Variants in ITPR3 observed in about 807,000 individuals in gnomAD.
The protein encoded by ITPR3 is inositol 1,4,5-trisphosphate receptor type 3.
A neutral mutation model predicts 293.2 loss-of-function variants in ITPR3; 173 were observed. The ratio of observed to expected loss-of-function variants is 0.59; its 90% CI spans 0.52 to 0.67. The LOEUF (loss-of-function observed/expected upper bound fraction) is 0.67, where lower values mean the gene tolerates loss of function less well. ITPR3 is among the 30% of genes least tolerant of loss of function. The probability of loss-of-function intolerance (pLI) is 0.00; values close to 1 mark genes in which losing one functional copy is unlikely to be tolerated. For missense variants in ITPR3, 2,796 were observed against 3,592.1 expected (o/e 0.78, Z 5.66); for synonymous variants, 1,295 against 1,444.4 (o/e 0.90, Z 2.35).
In ITPR3 at chr6:33,673,710, C is replaced by T. The variant is rs146528103; in HGVS notation, c.3048C>T (p.Phe1016=). 6.2e-4 allele frequency: 1,004 copies of T among 1,614,130 alleles called. 5 individuals carry two copies. In the Middle Eastern group the frequency reaches 6.8e-3, roughly 11 times the overall value. Residue 1016 remains phenylalanine, a synonymous_variant, in exon 23 of 58, where the codon TTC becomes TTT. Transcript: ENST00000605930. ...DSGADGTAPA[F]DSTTANMNLD... is the part of the protein sequence containing the mutation. ...GGGCTGATGGCACAGCCCCTGCCTTCGACTCTACCAGTAAGCCCCTGCCCT... is the reference window on the plus strand; with the variant it reads ...GGGCTGATGGCACAGCCCCTGCCTTTGACTCTACCAGTAAGCCCCTGCCCT...
rs1304867848 is a variant in ITPR3, at chr6:33,692,475, A to C, written c.7459-253A>C. 1.3e-5 allele frequency among the ~76,000 whole-genome samples: 2 copies of C among 151,480 alleles called. No homozygotes were observed. Among genetic ancestry groups the C allele is most frequent in the Non-Finnish European group, 2.9e-5 (2 of 67,928 alleles). Reference sequence around the variant, plus strand: ...TACCTCCCCGCCAGACTCCTTCTGCAGGCCTCCACCCCGGCGTGTCCTGAG... The same window carrying C: ...TACCTCCCCGCCAGACTCCTTCTGCCGGCCTCCACCCCGGCGTGTCCTGAG... On this transcript the variant is annotated intron_variant, in intron 54 of 57. Transcript: ENST00000605930. The surrounding 1 kb of genome is among the most constrained non-coding windows in gnomAD (Gnocchi z 4.2).
At position 33,682,481 on chromosome 6, in the gene ITPR3, TG is replaced by T. The variant is rs1765103546; in HGVS notation, c.4477-38del. 2 of 1,476,140 alleles carry T rather than the reference TG, an allele frequency of 1.4e-6. No homozygotes were observed. The highest frequency in any genetic ancestry group is 1.5e-5 in the African/African-American group (1 of 68,590). 91.4% of individuals were successfully genotyped at this position (1,476,140 alleles called of 1,614,324 possible). A position where few individuals can be genotyped will look rare whatever the true frequency, so the allele number is the denominator to read the frequency against. ...TTCCTGGACCTGGGGTTGCCCAGGG[TG>T]GGGGCCTGGGCTGCAGCAGCGGGCT... On this transcript the variant is annotated intron_variant, in intron 33 of 57. Transcript: ENST00000605930. This position sits in a 1 kb window ranked among gnomAD's most constrained non-coding sequence, Gnocchi z 5.4.
chr6:33,639,253 C>T (rs2151288810), intron 1 of ITPR3, among the ~76,000 whole-genome samples: 1 of 152,054 alleles, frequency 6.6e-6, no homozygotes, highest in East Asian at 1.9e-4. Flanking sequence ...GTGGCAGGTG[C>T]CTGTAATCCA....
Position 33,687,630 on chromosome 6 carries a change from A to G in ITPR3, c.6264+66A>G, listed in dbSNP as rs1765270976. On this transcript the variant is annotated intron_variant, in intron 46 of 57. Transcript: ENST00000605930. The surrounding 1 kb of genome is among the most constrained non-coding windows in gnomAD (Gnocchi z 5.3). ...GAACCCAGGGAGGACACTTGACCCA[A>G]GGGCGTGGCCTGGAACAGAGTGAGG... 3 of 1,316,162 alleles carry G rather than the reference A, an allele frequency of 2.3e-6. No individual in the cohort carries two copies. The highest frequency in any genetic ancestry group is 2.9e-5 in the African/African-American group (2 of 69,362). The allele number at this position is 1,316,162 out of a possible 1,614,324, so 81.5% of individuals were successfully genotyped here.
intron 3 of ITPR3, among the ~76,000 whole-genome samples, chr6:33,657,212 T>C (rs1230199509): frequency 2.0e-5 from 3 of 152,174 alleles, no homozygotes; most frequent in African/African-American, 7.2e-5. Context: ...AGAGTGCCAG[T>C]CTGATGGAGG....
chr6:33,631,677 T>C (rs1002561980), intron 1 of ITPR3, among the ~76,000 whole-genome samples: 1 of 152,110 alleles, frequency 6.6e-6, no homozygotes, highest in Admixed American at 6.5e-5. Flanking sequence ...CTGGATAATA[T>C]CCAGCCTTCC....
chr6:33,623,893 C>T (rs1323743595), intron 1 of ITPR3, among the ~76,000 whole-genome samples: 2 of 152,140 alleles, frequency 1.3e-5, no homozygotes, highest in African/African-American at 4.8e-5. Context: ...GTCCACCCTC[C>T]TAGCATGGCT....
chr6:33,634,362 A>C (rs1763767155), intron 1 of ITPR3, among the ~76,000 whole-genome samples: 1 of 152,092 alleles, frequency 6.6e-6, no homozygotes, highest in Non-Finnish European at 1.5e-5. Flanking sequence ...TTCCCAGATG[A>C]TGCCTGTTTT....
Position 33,689,262 on chromosome 6 carries a change from C to T in ITPR3, c.6719C>T (p.Ser2240Leu). The T allele has an allele frequency of 6.2e-7, 1 of 1,611,152 alleles. No individual in the cohort carries two copies. The highest frequency in any genetic ancestry group is 8.5e-7 in the Non-Finnish European group (1 of 1,179,992). Reference protein sequence around the residue: ...STGVLDSPLISLLFWILICFS... With the variant: ...STGVLDSPLILLLFWILICFS... ...GGCGTGCTGGACTCCCCTCTCATCT[C>T]ATTGCTCTTCTGGATCCTCATCTGC... is the stretch of plus-strand genomic sequence containing the variant. Residue 2240 changes from serine (S) to leucine (L), a missense_variant, in exon 50 of 58, where the codon TCA becomes TTA. This residue lies in a region of ITPR3 where 568 missense variants were observed against 796.1 expected (regional missense o/e 0.71). Transcript: ENST00000605930.
intron 41 of ITPR3, 90 bp from the exon 42 acceptor site, chr6:33,685,963 A>T: frequency 2.6e-6 from 4 of 1,526,466 alleles, no homozygotes; most frequent in Non-Finnish European, 3.6e-6. Context: ...TGGTTCCCCT[A>T]CCCCTGCAGC....
At position 33,695,732 on chromosome 6, in the gene ITPR3, C is replaced by G. The variant is rs773669944; in HGVS notation, c.7968C>G (p.Arg2656=). The change falls in exon 58 of 58, where the codon CGC becomes CGG. Residue 2656 remains arginine, a synonymous_variant. Coordinates refer to ENST00000605930, the MANE Select transcript of ITPR3 (RefSeq NM_002224.4). ...CCTAGATGACGGAGCAGCGGAAACG[C>G]AGGCAACGCCTAGGCTTTGTGGATG... ...LKEQMTEQRK[R]RQRLGFVDVQ... The G allele has an allele frequency of 2.5e-6, 4 of 1,614,176 alleles. No individual in the cohort carries two copies. Among genetic ancestry groups the G allele is most frequent in the Non-Finnish European group, 3.4e-6 (4 of 1,180,044 alleles).
chr6:33,668,037 T>C, intron 16 of ITPR3, 73 bp downstream of exon 16: 1 of 1,521,448 alleles, frequency 6.6e-7, no homozygotes, highest in South Asian at 1.2e-5. Context: ...ACTCTGCTGG[T>C]TGTGTGAACT....
At chr6:33,622,095 C>G (rs780488439) in intron 1 of ITPR3, among the ~76,000 whole-genome samples, 105 of 152,120 alleles carry the variant, frequency 6.9e-4, no homozygotes, top group Non-Finnish European at 1.4e-3. Context: ...AGTGGGCAGG[C>G]TCAGCTTGGA....
chr6:33,676,540 G>A (rs1764911308), intron 25 of ITPR3, among the ~76,000 whole-genome samples: 1 of 152,260 alleles, frequency 6.6e-6, no homozygotes, highest in African/African-American at 2.4e-5. Flanking sequence ...AGGTTATGTG[G>A]CAGCTCAGGG....
Position 33,691,239 on chromosome 6 carries a change from G to A in ITPR3, c.7225+130G>A. ...CCGTCTGCTTCTCCTCTTGGCTTCT[G>A]GGGACGTCTAGCTAACACCAGTCTG... On this transcript the variant is annotated intron_variant, in intron 52 of 57. Coordinates refer to ENST00000605930, the MANE Select transcript of ITPR3 (RefSeq NM_002224.4). This position sits in a 1 kb window ranked among gnomAD's most constrained non-coding sequence, Gnocchi z 4.9. 3 of 864,594 alleles carry A rather than the reference G, an allele frequency of 3.5e-6. No individual in the cohort carries two copies. Among genetic ancestry groups the A allele is most frequent in the South Asian group, 3.3e-5 (2 of 59,788 alleles). The allele number at this position is 864,594 out of a possible 1,614,324, so 53.6% of individuals were successfully genotyped here. A position where few individuals can be genotyped will look rare whatever the true frequency, so the allele number is the denominator to read the frequency against.
At chr6:33,639,414 C>T (rs940747957) in intron 1 of ITPR3, among the ~76,000 whole-genome samples, 12 of 150,926 alleles carry the variant, frequency 8.0e-5, no homozygotes. Flanking sequence ...ACCTTGTTAA[C>T]CAACCCAGGG....
chr6:33,668,112 T>G, intron 16 of ITPR3, 148 bp downstream of exon 16: 2 of 886,708 alleles, frequency 2.3e-6, no homozygotes, highest in Non-Finnish European at 3.4e-6. Flanking sequence ...TGGGAGGCCC[T>G]AGCCTCCCTA....
Position 33,670,860 on chromosome 6 carries a change from G to C in ITPR3, c.2586+45G>C, listed in dbSNP as rs1197198748. On this transcript the variant is annotated intron_variant, in intron 20 of 57. Transcript: ENST00000605930. This position sits in a 1 kb window ranked among gnomAD's most constrained non-coding sequence, Gnocchi z 6.7. ...GGGGCTGGGGGTCCGTGGAGCTCTT[G>C]TTGGCCCCACACTGGCCTCGGTCTT... is the stretch of plus-strand genomic sequence containing the variant. 2.5e-6 allele frequency: 4 copies of C among 1,601,000 alleles called. No homozygotes were observed. Among genetic ancestry groups the C allele is most frequent in the South Asian group, 1.1e-5 (1 of 90,158 alleles).
At chr6:33,651,048 G>A (rs531995716) in intron 2 of ITPR3, among the ~76,000 whole-genome samples, 50 of 151,804 alleles carry the variant, frequency 3.3e-4, no homozygotes, top group Admixed American at 1.0e-3. Context: ...AGGCCGAGAC[G>A]GGTGGATCAC....
Sources: allele counts gnomAD v4.1 joint callset (sites outside exome capture counted in the v4.1 genomes callset), GRCh38; gene constraint gnomAD v4.1.1; regional missense constraint gnomAD v4.1.1; non-coding constraint Gnocchi (gnomAD v3.1); transcripts MANE v1.5; gene names NCBI Gene and HGNC (gene_info 2026-07-23, HGNC 2026-07-21).